PRMT8: variants seen among roughly 807,000 people sequenced by gnomAD.
The protein encoded by PRMT8 is protein arginine methyltransferase 8.
PRMT8 carries 7 observed loss-of-function variants against 47.1 expected under a neutral mutation model. That is an observed-to-expected ratio of 0.15 (90% CI 0.08 to 0.28). The LOEUF is 0.28. PRMT8 is among the 10% of genes least tolerant of loss of function. The probability of loss-of-function intolerance (pLI) is 1.00; values close to 1 mark genes in which losing one functional copy is unlikely to be tolerated. For missense variants in PRMT8, 237 were observed against 505.4 expected (o/e 0.47, Z 5.09); for synonymous variants, 188 against 186.5 (o/e 1.01, Z -0.07).
In PRMT8 at chr12:3,593,560, T is replaced by G; in HGVS notation, c.*378T>G. ...AGGACAGATTGCTTCCACTAGAACC[T>G]GGAGACATAGCATCTTTGATAGCAT... On this transcript the variant is annotated 3_prime_UTR_variant, in exon 10 of 10. Transcript: ENST00000382622. The surrounding 1 kb of genome is among the most constrained non-coding windows in gnomAD (Gnocchi z 4.8). The G allele has an allele frequency of 3.8e-6, 1 of 260,016 alleles. No homozygotes were observed. The highest frequency in any genetic ancestry group is 7.4e-6 in the Non-Finnish European group (1 of 135,572). The allele number at this position is 260,016 out of a possible 1,614,324, so 16.1% of individuals were successfully genotyped here.
intron 6 of PRMT8, among the ~76,000 whole-genome samples, chr12:3,573,368 C>T (rs1446742452): frequency 6.6e-6 from 1 of 152,144 alleles, no homozygotes; most frequent in Non-Finnish European, 1.5e-5. Flanking sequence ...TGAAATTCTC[C>T]ATTCATTGAT....
At chr12:3,530,193 C>T (rs1211883291) in intron 1 of PRMT8, among the ~76,000 whole-genome samples, 1 of 152,172 alleles carries the variant, frequency 6.6e-6, no homozygotes, top group Non-Finnish European at 1.5e-5. Flanking sequence ...CACCTCTCTG[C>T]CCTCTCAAGG....
At chr12:3,513,440 G>A (rs1188287057) in intron 1 of PRMT8, among the ~76,000 whole-genome samples, 1 of 152,166 alleles carries the variant, frequency 6.6e-6, no homozygotes, top group African/African-American at 2.4e-5. Context: ...AGCTGACTGT[G>A]TGGGTCCCAG....
intron 4 of PRMT8, among the ~76,000 whole-genome samples, chr12:3,553,920 C>T (rs889251170): frequency 6.6e-6 from 1 of 152,192 alleles, no homozygotes; most frequent in African/African-American, 2.4e-5. Flanking sequence ...CAGCCACCCC[C>T]TCTCCGCTTT....
At position 3,578,776 on chromosome 12, in the gene PRMT8, T is replaced by G. The variant is rs536551787; in HGVS notation, c.828+1790T>G. ...CTGTCCTTTGTCCTGGACACAAGCC[T>G]TGCTAGGAAGAACTGCACCCGTTGG... On this transcript the variant is annotated intron_variant, in intron 7 of 9. Coordinates refer to ENST00000382622, the MANE Select transcript of PRMT8 (RefSeq NM_019854.5). 2.0e-5 allele frequency among the ~76,000 whole-genome samples: 3 copies of G among 152,272 alleles called. No individual in the cohort carries two copies. The South Asian group carries it at 6.2e-4, about 32-fold the overall frequency.
intron 7 of PRMT8, among the ~76,000 whole-genome samples, chr12:3,577,493 C>T (rs1312611780): frequency 6.6e-6 from 1 of 151,476 alleles, no homozygotes; most frequent in African/African-American, 2.4e-5. Flanking sequence ...TCCACATACA[C>T]CTTTGCCCCA....
chr12:3,408,585 G>T (rs1157516611), intron 1 of PRMT8, among the ~76,000 whole-genome samples: 1 of 152,100 alleles, frequency 6.6e-6, no homozygotes, highest in African/African-American at 2.4e-5. Context: ...GTGATTAATA[G>T]ATTTTCTTTA....
At chr12:3,516,153 A>C (rs1865788096) in intron 1 of PRMT8, among the ~76,000 whole-genome samples, 1 of 152,190 alleles carries the variant, frequency 6.6e-6, no homozygotes, top group African/African-American at 2.4e-5. Context: ...ATGCTTGGGC[A>C]GTTGAGGAAG....
intron 4 of PRMT8, among the ~76,000 whole-genome samples, chr12:3,565,564 G>A (rs187059692): frequency 1.3e-5 from 2 of 152,310 alleles, no homozygotes; most frequent in Non-Finnish European, 2.9e-5. Context: ...GTGATGTTAA[G>A]AGAACAGAAG....
intron 1 of PRMT8, among the ~76,000 whole-genome samples, 196 bp downstream of exon 1, chr12:3,491,896 G>T (rs1381125172): frequency 6.1e-5 from 9 of 147,092 alleles, no homozygotes; most frequent in Admixed American, 1.4e-4. Context: ...GTGTTGGTGG[G>T]GGGTGGGGGG....
chr12:3,415,818 C>T (rs918715562), intron 1 of PRMT8, among the ~76,000 whole-genome samples: 4 of 152,188 alleles, frequency 2.6e-5, no homozygotes, highest in East Asian at 1.9e-4. Context: ...GGCTTGCCAT[C>T]GAGTTAGTGA....
chr12:3,458,522 C>T (rs908121779), intron 1 of PRMT8, among the ~76,000 whole-genome samples: 3 of 152,194 alleles, frequency 2.0e-5, no homozygotes, highest in East Asian at 3.9e-4. Context: ...TCCTGTGAGC[C>T]GTGCTTGTTC....
intron 4 of PRMT8, among the ~76,000 whole-genome samples, chr12:3,562,847 C>T (rs2137196285): frequency 6.6e-6 from 1 of 152,238 alleles, no homozygotes; most frequent in African/African-American, 2.4e-5. Context: ...GAGATACTTT[C>T]TGTCCCATGG....
intron 1 of PRMT8, chr12:3,463,028 A>G (rs1470478326): frequency 6.6e-6 from 1 of 152,204 alleles, no homozygotes; most frequent in Non-Finnish European, 1.5e-5. Context: ...TTGGCAGAAG[A>G]AGGCCCTAGA....
intron 1 of PRMT8, among the ~76,000 whole-genome samples, chr12:3,428,177 C>G (rs536081980): frequency 1.3e-5 from 2 of 152,128 alleles, no homozygotes; most frequent in East Asian, 1.9e-4. Flanking sequence ...ATTTAGATCT[C>G]CTGCTGGGAA....
chr12:3,394,609 C>T (rs1320204159), intron 1 of PRMT8, among the ~76,000 whole-genome samples: 15 of 152,138 alleles, frequency 9.9e-5, no homozygotes, highest in Non-Finnish European at 1.5e-4. Context: ...TGGATTCATT[C>T]TGCCAGTATT....
chr12:3,416,941 A>G (rs1235300805), intron 1 of PRMT8, among the ~76,000 whole-genome samples: 2 of 152,232 alleles, frequency 1.3e-5, no homozygotes, highest in Admixed American at 6.5e-5. Context: ...AACAAACAGT[A>G]TGTGAGATTT....
chr12:3,507,754 C>A (rs1565425706), intron 1 of PRMT8, among the ~76,000 whole-genome samples: 1 of 149,964 alleles, frequency 6.7e-6, no homozygotes, highest in African/African-American at 2.5e-5. Flanking sequence ...TTTTTCTTCT[C>A]CTTCTTTTTT....
chr12:3,441,528 T>G (rs1864802038), intron 1 of PRMT8, among the ~76,000 whole-genome samples: 4 of 152,202 alleles, frequency 2.6e-5, no homozygotes, highest in African/African-American at 9.7e-5. Context: ...CCTTTGGGCC[T>G]CATACCCTGT....
Sources: gnomAD v4.1 joint callset for allele counts (sites outside exome capture counted in the v4.1 genomes callset) on GRCh38, gnomAD v4.1.1 for gene constraint, Gnocchi (gnomAD v3.1) non-coding constraint, MANE v1.5 for transcripts, NCBI Gene and HGNC (gene_info 2026-07-23, HGNC 2026-07-21) for gene names.